Variants in SCN3A observed in about 807,000 individuals in gnomAD.
SCN3A encodes sodium channel protein type 3 subunit alpha.
Under a neutral mutation model 187.6 loss-of-function variants are expected in SCN3A, and 60 were observed. That is an observed-to-expected ratio of 0.32 (90% confidence interval 0.26 to 0.40). SCN3A has a LOEUF of 0.40. Among genes scored for constraint, SCN3A ranks in the 10% least tolerant of loss-of-function variants. The probability of loss-of-function intolerance (pLI) is 1.00; values close to 1 mark genes in which losing one functional copy is unlikely to be tolerated. For synonymous variants in SCN3A, 788 were observed against 829.2 expected (o/e 0.95, Z 0.85); for missense variants, 1,601 against 2,428.2 (o/e 0.66, Z 7.16).
At position 165,140,223 on chromosome 2, in the gene SCN3A, C is replaced by T. The variant is rs774026917; in HGVS notation, c.2019+428G>A. ...AAATATTGACAGTTGTATGAAATTG[C>T]CCATTATCAACAAATTGGTTATAAT... is the stretch of plus-strand genomic sequence containing the variant. On this transcript the variant is annotated intron_variant, in intron 13 of 27. Coordinates refer to ENST00000283254, the MANE Select transcript of SCN3A (RefSeq NM_006922.4). This position sits in a 1 kb window ranked among gnomAD's most constrained non-coding sequence, Gnocchi z 4.2. Among the ~76,000 whole-genome samples the T allele has an allele frequency of 1.8e-4, 27 of 151,986 alleles. No individual in the cohort carries two copies. The highest frequency in any genetic ancestry group is 3.4e-4 in the Non-Finnish European group (23 of 68,002).
At chr2:165,138,496 T>C (rs1559220129) in intron 14 of SCN3A, among the ~76,000 whole-genome samples, 1 of 152,168 alleles carries the variant, frequency 6.6e-6, no homozygotes, top group Non-Finnish European at 1.5e-5. Context: ...TTTAAAAACA[T>C]TGTCTAAAGT....
At chr2:165,160,736 G>A (rs1253717128) in intron 9 of SCN3A, among the ~76,000 whole-genome samples, 1 of 151,814 alleles carries the variant, frequency 6.6e-6, no homozygotes, top group East Asian at 1.9e-4. Context: ...CATCTTTCAC[G>A]TTTAAGAGAT....
At chr2:165,095,676 T>C (rs750469230) in intron 24 of SCN3A, 28 bp from the exon 25 acceptor site, 29 of 1,180,568 alleles carry the variant, frequency 2.5e-5, no homozygotes, top group Non-Finnish European at 3.2e-5. Flanking sequence ...TATTAAATAA[T>C]ATGAAAAATA....
intron 21 of SCN3A, among the ~76,000 whole-genome samples, chr2:165,105,077 C>T (rs1232447041): frequency 2.0e-5 from 3 of 152,122 alleles, no homozygotes; most frequent in Admixed American, 1.3e-4. Context: ...GAACTGGAGG[C>T]ATTTGGTTGC....
Position 165,155,912 on chromosome 2 carries a change from G to A in SCN3A, c.1032-9C>T. The A allele has an allele frequency of 1.2e-6, 2 of 1,614,062 alleles. No homozygotes were observed. Among genetic ancestry groups the A allele is most frequent in the Non-Finnish European group, 1.7e-6 (2 of 1,179,970 alleles). ...ATCCTTCTGGACACTGGCTATAAGA[G>A]AGAGAAATGGAGGTAGGGTCAGTTT... On this transcript the variant is annotated splice_polypyrimidine_tract_variant and intron_variant, in intron 9 of 27. Transcript: ENST00000283254.
chr2:165,176,594 C>T lies in SCN3A; in HGVS notation c.-50-150G>A, dbSNP rs1004432333. 2.6e-5 allele frequency: 16 copies of T among 619,090 alleles called. No homozygotes were observed. In the East Asian group the frequency reaches 4.5e-4, roughly 18 times the overall value. 38.3% of individuals were successfully genotyped at this position (619,090 alleles called of 1,614,324 possible). A position where few individuals can be genotyped will look rare whatever the true frequency, so the allele number is the denominator to read the frequency against. ...TGCACTACACATTTGAACTTGAAAA[C>T]ATCATCATTCAACCTCATTCTCAAT... On this transcript the variant is annotated intron_variant, in intron 2 of 27. Coordinates refer to ENST00000283254, the MANE Select transcript of SCN3A (RefSeq NM_006922.4).
intron 18 of SCN3A, 110 bp from the exon 19 acceptor site, chr2:165,115,685 C>G (rs1686338021): frequency 2.1e-6 from 2 of 969,704 alleles, no homozygotes; most frequent in Admixed American, 3.5e-5. Context: ...GCATTTAACT[C>G]TATTAGCATT....
chr2:165,114,252 G>A (rs757938371), intron 19 of SCN3A, among the ~76,000 whole-genome samples: 1 of 152,134 alleles, frequency 6.6e-6, no homozygotes, highest in Non-Finnish European at 1.5e-5. Context: ...TTGCCTCAAG[G>A]CCATTGATGA....
In SCN3A at chr2:165,162,742, A is replaced by T. The variant is rs774900155; in HGVS notation, c.781T>A (p.Phe261Ile). 4.3e-6 allele frequency: 7 copies of T among 1,614,136 alleles called. No homozygotes were observed. Among genetic ancestry groups the T allele is most frequent in the Non-Finnish European group, 5.9e-6 (7 of 1,180,002 alleles). ...MILTVFCLSV[F>I]ALIGLQLFMG... ...AACAGCTGCAGCCCAATGAGAGCAAACACGCTCAGACAGAACACAGTCAGG... is the reference window on the plus strand; with the variant it reads ...AACAGCTGCAGCCCAATGAGAGCAATCACGCTCAGACAGAACACAGTCAGG... Residue 261 changes from phenylalanine to isoleucine, a missense_variant, in exon 8 of 28, where the codon TTT becomes ATT. Physicochemically the swap from Phe to Ile is conservative, Grantham distance 21 (BLOSUM62 0). Transcript: ENST00000283254.
In SCN3A at chr2:165,152,826, C is replaced by T. The variant is rs577628358; in HGVS notation, c.1380+1626G>A. ...TAGGAGGTATACCTAATGTAAATGACGAGTTAATGGGTGCAGCACACCAAC... is the reference window on the plus strand; with the variant it reads ...TAGGAGGTATACCTAATGTAAATGATGAGTTAATGGGTGCAGCACACCAAC... On this transcript the variant is annotated intron_variant, in intron 11 of 27. Coordinates refer to ENST00000283254, the MANE Select transcript of SCN3A (RefSeq NM_006922.4). Among the ~76,000 whole-genome samples, 78 of 151,912 alleles carry T rather than the reference C, an allele frequency of 5.1e-4. 1 individual carries two copies. The highest frequency in any genetic ancestry group is 1.6e-3 in the African/African-American group (67 of 41,414).
At chr2:165,131,917 C>T (rs1687351123) in intron 15 of SCN3A, among the ~76,000 whole-genome samples, 1 of 151,894 alleles carries the variant, frequency 6.6e-6, no homozygotes, top group Non-Finnish European at 1.5e-5. Flanking sequence ...CATGTTCCTC[C>T]AAAGGACATG....
chr2:165,111,815 T>C (rs968176903), intron 21 of SCN3A, among the ~76,000 whole-genome samples: 1 of 152,180 alleles, frequency 6.6e-6, no homozygotes, highest in Admixed American at 6.5e-5. Flanking sequence ...ATCTCTATTA[T>C]TAATGAAAGG....
In SCN3A at chr2:165,141,010, G is replaced by T; in HGVS notation, c.1672-12C>A. Reference sequence around the variant, plus strand: ...ATACTCAAGAGAGACTGCAGAGAAAGCAAAAAGGAAAGGAATGGGATGGGG... The same window carrying T: ...ATACTCAAGAGAGACTGCAGAGAAATCAAAAAGGAAAGGAATGGGATGGGG... On this transcript the variant is annotated splice_polypyrimidine_tract_variant and intron_variant, in intron 12 of 27. Coordinates refer to ENST00000283254, the MANE Select transcript of SCN3A (RefSeq NM_006922.4). 6.3e-7 allele frequency: 1 copy of T among 1,597,270 alleles called. No homozygotes were observed. The highest frequency in any genetic ancestry group is 8.6e-7 in the Non-Finnish European group (1 of 1,166,824).
chr2:165,098,477 T>A (rs972609318), intron 22 of SCN3A, among the ~76,000 whole-genome samples: 7 of 152,230 alleles, frequency 4.6e-5, no homozygotes, highest in African/African-American at 1.7e-4. Flanking sequence ...GAATTTTGTT[T>A]CTTTTGGAAG....
At chr2:165,094,798 CTTCA>C (rs1685285641) in intron 25 of SCN3A, among the ~76,000 whole-genome samples, 1 of 152,150 alleles carries the variant, frequency 6.6e-6, no homozygotes. Context: ...AATTTTACTT[CTTCA>C]TTCAACAGTT....
Position 165,131,256 on chromosome 2 carries a change from T to C in SCN3A, c.2553A>G (p.Arg851=). The C allele has an allele frequency of 1.3e-6, 2 of 1,591,700 alleles. No homozygotes were observed. The highest frequency in any genetic ancestry group is 1.7e-6 in the Non-Finnish European group (2 of 1,166,608). Residue 851 remains arginine, a synonymous_variant, in exon 16 of 28, where the codon CGA becomes CGG. Coordinates refer to ENST00000283254, the MANE Select transcript of SCN3A (RefSeq NM_006922.4). ...LSNVEGLSVL[R]SFRLLRVFKL... Reference sequence around the variant, plus strand: ...TATAAATAGATACCAGTCTGAATGATCGCAGTACAGACAATCCCTCCACAT... The same window carrying C: ...TATAAATAGATACCAGTCTGAATGACCGCAGTACAGACAATCCCTCCACAT...
In SCN3A at chr2:165,088,451, A is replaced by T. The variant is rs138010923; in HGVS notation, c.*1699T>A. 63 of 151,790 alleles carry T rather than the reference A, an allele frequency of 4.2e-4. No individual in the cohort carries two copies. Among genetic ancestry groups the T allele is most frequent in the Admixed American group, 2.4e-3 (36 of 15,152 alleles). 9.4% of individuals were successfully genotyped at this position (151,790 alleles called of 1,614,324 possible). ...TACGTAAATACTACAAAAGTTGAAT[A>T]AAAAAAAACATCTATGAATAAAAGG... On this transcript the variant is annotated 3_prime_UTR_variant, in exon 28 of 28. Coordinates refer to ENST00000283254, the MANE Select transcript of SCN3A (RefSeq NM_006922.4).
intron 10 of SCN3A, among the ~76,000 whole-genome samples, chr2:165,154,922 T>A (rs1688925340): frequency 6.6e-6 from 1 of 152,182 alleles, no homozygotes; most frequent in African/African-American, 2.4e-5. Flanking sequence ...TATAATGCTT[T>A]TATTAGAGTT....
At chr2:165,123,131 C>T (rs996124682) in intron 18 of SCN3A, among the ~76,000 whole-genome samples, 12 of 152,038 alleles carry the variant, frequency 7.9e-5, no homozygotes, top group African/African-American at 2.7e-4. Context: ...ACAAATTCTA[C>T]ATTAGAGCTC....
Sources: gnomAD v4.1 joint callset for allele counts (sites outside exome capture counted in the v4.1 genomes callset) on GRCh38, gnomAD v4.1.1 for gene constraint, Gnocchi (gnomAD v3.1) non-coding constraint, MANE v1.5 for transcripts, NCBI Gene and HGNC (gene_info 2026-07-23, HGNC 2026-07-21) for gene names.